Variants in MAD1L1 observed in about 807,000 individuals in gnomAD.
MAD1L1 encodes the protein mitotic arrest deficient 1 like 1, also known as mitotic spindle assembly checkpoint protein MAD1.
MAD1L1 carries 95 observed loss-of-function variants against 96.9 expected under a neutral mutation model. The ratio of observed to expected loss-of-function variants is 0.98; its 90% confidence interval spans 0.83 to 1.16. MAD1L1 has a LOEUF of 1.16. Ranked by LOEUF, MAD1L1 falls within the 50% of genes most tolerant of loss-of-function variation. The pLI is 0.00. For synonymous variants in MAD1L1, 473 were observed against 396.6 expected (o/e 1.19, Z -2.29); for missense variants, 1,007 against 954.4 (o/e 1.06, Z -0.73).
At chr7:2,225,669 T>C (rs1793855551) in intron 3 of MAD1L1, 119 bp from the exon 4 acceptor site, 6 of 1,142,202 alleles carry the variant, frequency 5.3e-6, no homozygotes, top group Non-Finnish European at 6.2e-6. Context: ...CCGTGCTAAG[T>C]CTTGATGTGG....
intron 18 of MAD1L1, among the ~76,000 whole-genome samples, chr7:1,864,890 A>C (rs1406422861): frequency 6.6e-6 from 1 of 152,128 alleles, no homozygotes; most frequent in African/African-American, 2.4e-5. Flanking sequence ...ACCTTGCCAG[A>C]TGCAAATGTC....
chr7:2,128,822 G>T (rs1431844218), intron 11 of MAD1L1, among the ~76,000 whole-genome samples: 2 of 152,152 alleles, frequency 1.3e-5, no homozygotes, highest in African/African-American at 2.4e-5. Context: ...GCCACACCAC[G>T]CCTCCCCAGG....
Position 1,869,084 on chromosome 7 carries a change from C to T in MAD1L1, c.1998+29116G>A, listed in dbSNP as rs534406708. Reference sequence around the variant, plus strand: ...GCAACTGGTCCAGGCCACACGTGGACGGTGAGGCCCGGGACGGGAACATCC... The same window carrying T: ...GCAACTGGTCCAGGCCACACGTGGATGGTGAGGCCCGGGACGGGAACATCC... On this transcript the variant is annotated intron_variant, in intron 18 of 18. Transcript: ENST00000265854. 5.9e-5 allele frequency among the ~76,000 whole-genome samples: 9 copies of T among 152,276 alleles called. No homozygotes were observed. The South Asian group carries it at 6.2e-4, about 11-fold the overall frequency.
chr7:2,107,230 T>C (rs1212077301), intron 11 of MAD1L1, among the ~76,000 whole-genome samples: 1 of 152,118 alleles, frequency 6.6e-6, no homozygotes, highest in Non-Finnish European at 1.5e-5. Flanking sequence ...CAGTCAGAGT[T>C]GGTGAGGTCT....
At chr7:2,170,299 C>G (rs1209844228) in intron 10 of MAD1L1, among the ~76,000 whole-genome samples, 4 of 152,228 alleles carry the variant, frequency 2.6e-5, no homozygotes, top group Non-Finnish European at 5.9e-5. Context: ...CAACTGCCAC[C>G]AGATTGGCCC....
chr7:1,978,442 G>C (rs577222254), intron 15 of MAD1L1, among the ~76,000 whole-genome samples: 2 of 152,352 alleles, frequency 1.3e-5, no homozygotes, highest in African/African-American at 4.8e-5. Context: ...TTGGTGAGCA[G>C]GTGGTGGGGA....
At chr7:1,981,334 G>A (rs1284838555) in intron 14 of MAD1L1, among the ~76,000 whole-genome samples, 1 of 152,158 alleles carries the variant, frequency 6.6e-6, no homozygotes, top group African/African-American at 2.4e-5. Context: ...CAGACGGTGG[G>A]GAGGCCAGGA....
At chr7:2,179,973 A>T (rs1189103741) in intron 10 of MAD1L1, among the ~76,000 whole-genome samples, 1 of 137,304 alleles carries the variant, frequency 7.3e-6, no homozygotes, top group African/African-American at 3.0e-5. Context: ...CTCCGTCTCA[A>T]AAAAAAAAAG....
chr7:1,911,625 G>C (rs1788022597), intron 17 of MAD1L1, among the ~76,000 whole-genome samples: 1 of 152,204 alleles, frequency 6.6e-6, no homozygotes, highest in Non-Finnish European at 1.5e-5. Flanking sequence ...CCAGACTCCG[G>C]CGTCACCTCC....
chr7:1,817,904 G>C (rs1781908105), intron 18 of MAD1L1, among the ~76,000 whole-genome samples: 1 of 151,830 alleles, frequency 6.6e-6, no homozygotes, highest in Non-Finnish European at 1.5e-5. Flanking sequence ...ACCACCTTTG[G>C]AGCACGTGCT....
At chr7:2,232,839 G>A (rs1481810186) in intron 1 of MAD1L1, 33 bp downstream of exon 1, 1 of 152,210 alleles carries the variant, frequency 6.6e-6, no homozygotes, top group Non-Finnish European at 1.5e-5. Context: ...GGGACCCCGG[G>A]ACCCCGCCGC....
At chr7:2,190,956 C>T (rs141759062) in intron 10 of MAD1L1, among the ~76,000 whole-genome samples, 1 of 152,294 alleles carries the variant, frequency 6.6e-6, no homozygotes, top group African/African-American at 2.4e-5. Flanking sequence ...CACCCAGAGG[C>T]CCCACTCCTA....
intron 11 of MAD1L1, among the ~76,000 whole-genome samples, chr7:2,117,070 T>C (rs1787741886): frequency 6.6e-6 from 1 of 152,132 alleles, no homozygotes; most frequent in Non-Finnish European, 1.5e-5. Context: ...CAGCCTTTTC[T>C]AGAGATAGGC....
chr7:2,012,083 A>G (rs1027403488), intron 13 of MAD1L1, among the ~76,000 whole-genome samples: 1 of 152,156 alleles, frequency 6.6e-6, no homozygotes, highest in African/African-American at 2.4e-5. Context: ...CCCACACCCC[A>G]CCATGGGAAG....
intron 13 of MAD1L1, among the ~76,000 whole-genome samples, chr7:2,004,474 C>T (rs1213559119): frequency 6.6e-6 from 1 of 152,216 alleles, no homozygotes; most frequent in African/African-American, 2.4e-5. Flanking sequence ...AGGTCAAAGG[C>T]ACTTTACAGG....
chr7:2,056,789 G>A (rs1461852688), intron 12 of MAD1L1, among the ~76,000 whole-genome samples: 1 of 152,326 alleles, frequency 6.6e-6, no homozygotes, highest in African/African-American at 2.4e-5. Flanking sequence ...TACACAAGCG[G>A]CCGATCGCGG....
chr7:1,857,855 G>A (rs1784334777), intron 18 of MAD1L1, among the ~76,000 whole-genome samples: 1 of 152,218 alleles, frequency 6.6e-6, no homozygotes, highest in African/African-American at 2.4e-5. Flanking sequence ...AGGAAGGCAG[G>A]TGGTGCCTGG....
chr7:2,169,352 G>C (rs1315805837), intron 10 of MAD1L1, among the ~76,000 whole-genome samples: 1 of 152,064 alleles, frequency 6.6e-6, no homozygotes, highest in East Asian at 1.9e-4. Context: ...ACTTTGTAAA[G>C]AACATTACTT....
Position 1,910,038 on chromosome 7 carries a change from A to C in MAD1L1, c.1808-11648T>G, listed in dbSNP as rs147231476. 6.1e-3 allele frequency among the ~76,000 whole-genome samples: 934 copies of C among 152,236 alleles called. 12 individuals are homozygous for C. The highest frequency in any genetic ancestry group is 0.021 in the African/African-American group (893 of 41,542). ...CAGCTTGTCACCTTGCACAAAACTGATATGAAAAGACACCAGCAATTACAG... is the reference window on the plus strand; with the variant it reads ...CAGCTTGTCACCTTGCACAAAACTGCTATGAAAAGACACCAGCAATTACAG... On this transcript the variant is annotated intron_variant, in intron 17 of 18. Transcript: ENST00000265854.
Sources: allele counts gnomAD v4.1 joint callset (sites outside exome capture counted in the v4.1 genomes callset), GRCh38; gene constraint gnomAD v4.1.1; transcripts MANE v1.5; gene names NCBI Gene and HGNC (gene_info 2026-07-23, HGNC 2026-07-21).